WSCD2: variants seen among roughly 807,000 people sequenced by gnomAD.
WSCD2 encodes the protein WSC domain sialate O sulfotransferase 2.
WSCD2 carries 28 observed loss-of-function variants against 55.7 expected under a neutral mutation model. The observed-to-expected ratio is 0.50, with a 90% CI of 0.37 to 0.69. The LOEUF (loss-of-function observed/expected upper bound fraction) is 0.69, where lower values mean the gene tolerates loss of function less well. Ranked by LOEUF, WSCD2 falls within the 30% of genes least tolerant of loss-of-function variation. WSCD2 has a pLI of 0.00. For missense variants in WSCD2, 616 were observed against 762.1 expected, an observed-to-expected ratio of 0.81 and a Z score of 2.26; for synonymous variants, 301 against 301.9, an observed-to-expected ratio of 1.00 and a Z score of 0.03.
intron 4 of WSCD2, among the ~76,000 whole-genome samples, chr12:108,218,816 G>A (rs935897332): frequency 6.6e-6 from 1 of 152,164 alleles, no homozygotes; most frequent in African/African-American, 2.4e-5. Flanking sequence ...ACAGACACCA[G>A]CAGTGTCCCT....
chr12:108,196,077 C>T lies in WSCD2; in HGVS notation c.245C>T (p.Ala82Val), dbSNP rs755142745. Reference protein sequence around the residue: ...LGRGFRDTGEASSIARRYGPW... With the variant: ...LGRGFRDTGEVSSIARRYGPW... Reference sequence around the variant, plus strand: ...AGAGGTTTCCGGGACACAGGTGAAGCCTCAAGCATTGCTCGCAGGTACGGA... The same window carrying T: ...AGAGGTTTCCGGGACACAGGTGAAGTCTCAAGCATTGCTCGCAGGTACGGA... The change falls in exon 2 of 9, where the codon GCC becomes GTC. Residue 82 changes from alanine (A) to valine (V), a missense_variant. Ala to Val is a moderately conservative substitution (Grantham distance 64). Around this residue, in one of 3 missense-constraint regions of WSCD2, gnomAD observed 374 missense variants for 467.4 expected, o/e 0.80. Transcript: ENST00000547525. The T allele has an allele frequency of 3.1e-6, 5 of 1,614,158 alleles. No homozygotes were observed. The highest frequency in any genetic ancestry group is 1.1e-5 in the South Asian group (1 of 91,070).
chr12:108,168,424 C>T (rs1246689000), intron 1 of WSCD2, among the ~76,000 whole-genome samples: 1 of 152,186 alleles, frequency 6.6e-6, no homozygotes, highest in African/African-American at 2.4e-5. Context: ...ATTAGGTCAC[C>T]CCTACACATC....
intron 1 of WSCD2, among the ~76,000 whole-genome samples, chr12:108,151,483 A>G (rs889318048): frequency 1.3e-5 from 2 of 152,220 alleles, no homozygotes; most frequent in Non-Finnish European, 2.9e-5. Context: ...TTGGCTAGGA[A>G]GAGGGAAGAG....
At chr12:108,171,221 C>T (rs529458466) in intron 1 of WSCD2, among the ~76,000 whole-genome samples, 1 of 152,310 alleles carries the variant, frequency 6.6e-6, no homozygotes, top group South Asian at 2.1e-4. Flanking sequence ...CATAAAAATC[C>T]ACGATCACCA....
chr12:108,139,996 A>G (rs1490878456), intron 1 of WSCD2, among the ~76,000 whole-genome samples: 1 of 152,162 alleles, frequency 6.6e-6, no homozygotes, highest in East Asian at 1.9e-4. Flanking sequence ...CACCTGCAAA[A>G]GAGAGAGGGT....
chr12:108,196,356 T>TCATCCCCATTGCACAG, intron 2 of WSCD2, 142 bp downstream of exon 2: 1 of 1,266,816 alleles, frequency 7.9e-7, no homozygotes, highest in Admixed American at 2.9e-5. Flanking sequence ...CCTGCCATTA[T>TCATCCCCATTGCACAG]CATCCCCATT....
intron 6 of WSCD2, among the ~76,000 whole-genome samples, chr12:108,228,057 C>T (rs1040399517): frequency 1.7e-4 from 16 of 94,260 alleles, no homozygotes; most frequent in African/African-American, 4.5e-4. Flanking sequence ...TACTGTGGGG[C>T]GGGGGAGGGG....
Position 108,228,593 on chromosome 12 carries a change from T to C in WSCD2, c.979+1429T>C, listed in dbSNP as rs201814628. On this transcript the variant is annotated intron_variant, in intron 6 of 8. Transcript: ENST00000547525. ...CATATGTGGTAGAGCAGGTTGAGCA[T>C]TGCACTGGCACAGCCAACAGAAAAA... Among the ~76,000 whole-genome samples the C allele has an allele frequency of 5.3e-5, 8 of 152,360 alleles. No individual in the cohort carries two copies. In the East Asian group the frequency reaches 1.2e-3, roughly 22 times the overall value.
chr12:108,201,220 A>G (rs973365803), intron 2 of WSCD2, among the ~76,000 whole-genome samples: 2 of 151,830 alleles, frequency 1.3e-5, no homozygotes, highest in Non-Finnish European at 2.9e-5. Flanking sequence ...TCAAAGGGAG[A>G]CTCTGTTCCA....
intron 1 of WSCD2, among the ~76,000 whole-genome samples, chr12:108,149,104 T>G (rs775104325): frequency 3.9e-5 from 6 of 152,166 alleles, no homozygotes; most frequent in African/African-American, 7.2e-5. Context: ...TTAGAGTGAT[T>G]TGCAGGAAAC....
chr12:108,232,393 G>C (rs925057234), intron 6 of WSCD2, among the ~76,000 whole-genome samples: 12 of 152,146 alleles, frequency 7.9e-5, no homozygotes, highest in Admixed American at 5.9e-4. Context: ...GAATGGGAAA[G>C]ACTTGCTCTG....
At chr12:108,180,252 A>G (rs1881541143) in intron 1 of WSCD2, among the ~76,000 whole-genome samples, 1 of 152,180 alleles carries the variant, frequency 6.6e-6, no homozygotes. Context: ...ACAGCACCTG[A>G]CATACAATAG....
intron 8 of WSCD2, among the ~76,000 whole-genome samples, chr12:108,241,395 C>T (rs1889732410): frequency 6.6e-6 from 1 of 152,118 alleles, no homozygotes; most frequent in South Asian, 2.1e-4. Flanking sequence ...CCTCAAAGTC[C>T]CATATCCATT....
Position 108,227,005 on chromosome 12 carries a change from GC to G in WSCD2, c.821del (p.Ala274ValfsTer164), listed in dbSNP as rs1888173740. 1 of 1,613,726 alleles carries G rather than the reference GC, an allele frequency of 6.2e-7. No individual in the cohort carries two copies. Among genetic ancestry groups the G allele is most frequent in the Non-Finnish European group, 8.5e-7 (1 of 1,179,854 alleles). ...FCTEKEYPLA[A>X]LAGTACHCGF... ...CCATCCCCAGGAGTACCCGCTGGCAGCTCTTGCAGGCACCGCCTGCCACTGT... is the reference window on the plus strand; with the variant it reads ...CCATCCCCAGGAGTACCCGCTGGCAGTCTTGCAGGCACCGCCTGCCACTGT... On this transcript the variant is annotated frameshift_variant, in exon 6 of 9. Coordinates refer to ENST00000547525, the MANE Select transcript of WSCD2 (RefSeq NM_014653.4). LOFTEE classifies it high-confidence loss of function.
At chr12:108,174,404 T>TAG (rs1206338195) in intron 1 of WSCD2, among the ~76,000 whole-genome samples, 2 of 152,222 alleles carry the variant, frequency 1.3e-5, no homozygotes, top group Admixed American at 6.5e-5. Context: ...ACCTGTAACT[T>TAG]AGAGACAATC....
chr12:108,147,692 T>TG (rs202144336), intron 1 of WSCD2, among the ~76,000 whole-genome samples: 4,772 of 151,978 alleles, frequency 0.031, 136 homozygotes, highest in Non-Finnish European at 0.043. Flanking sequence ...GCCTGGGCAA[T>TG]GTGGCAGAAC....
chr12:108,248,621 T>C lies in WSCD2; in HGVS notation c.*278T>C. The C allele has an allele frequency of 8.4e-7, 1 of 1,194,954 alleles. No individual in the cohort carries two copies. The highest frequency in any genetic ancestry group is 1.0e-6 in the Non-Finnish European group (1 of 958,188). 74.0% of individuals were successfully genotyped at this position (1,194,954 alleles called of 1,614,324 possible). On this transcript the variant is annotated 3_prime_UTR_variant, in exon 9 of 9. Transcript: ENST00000547525. The surrounding 1 kb of genome is among the most constrained non-coding windows in gnomAD (Gnocchi z 4.3). Reference sequence around the variant, plus strand: ...CATGGACTCTTTTCTGTCTCCTGGGTCCCTGCCCCCACCACTCTGGGTTCC... The same window carrying C: ...CATGGACTCTTTTCTGTCTCCTGGGCCCCTGCCCCCACCACTCTGGGTTCC...
In WSCD2 at chr12:108,248,522, C is replaced by T; in HGVS notation, c.*179C>T. ...AGAGGAGGCTCAAGGGAAGAGATTG[C>T]CCAGGCACTACCACTCTGCTCACAT... On this transcript the variant is annotated 3_prime_UTR_variant, in exon 9 of 9. Coordinates refer to ENST00000547525, the MANE Select transcript of WSCD2 (RefSeq NM_014653.4). The surrounding 1 kb of genome is among the most constrained non-coding windows in gnomAD (Gnocchi z 4.3). 1 of 1,419,120 alleles carries T rather than the reference C, an allele frequency of 7.0e-7. No homozygotes were observed. The highest frequency in any genetic ancestry group is 9.2e-7 in the Non-Finnish European group (1 of 1,090,192). The allele number at this position is 1,419,120 out of a possible 1,614,324, so 87.9% of individuals were successfully genotyped here.
In WSCD2 at chr12:108,215,124, T is replaced by C. The variant is rs11836006; in HGVS notation, c.682+4819T>C. ...ATTTCATAATTCATATGGGACCCCA[T>C]GAGCTCTTCTCTGTAGGGCCAAGGG... On this transcript the variant is annotated intron_variant, in intron 4 of 8. Coordinates refer to ENST00000547525, the MANE Select transcript of WSCD2 (RefSeq NM_014653.4). Among the ~76,000 whole-genome samples, 287 of 152,352 alleles carry C rather than the reference T, an allele frequency of 1.9e-3. 4 individuals are homozygous for C. The highest frequency in any genetic ancestry group is 6.7e-3 in the African/African-American group (279 of 41,574).
Sources: allele counts gnomAD v4.1 joint callset (sites outside exome capture counted in the v4.1 genomes callset), GRCh38; gene constraint gnomAD v4.1.1; regional missense constraint gnomAD v4.1.1; non-coding constraint Gnocchi (gnomAD v3.1); transcripts MANE v1.5; gene names NCBI Gene and HGNC (gene_info 2026-07-23, HGNC 2026-07-21).